The following CCDC141 variants were observed in gnomAD, a reference collection of about 807,000 sequenced individuals.
The protein encoded by CCDC141 is coiled-coil domain-containing protein 141.
A neutral mutation model predicts 181.0 loss-of-function variants in CCDC141; 168 were observed. The ratio of observed to expected loss-of-function variants is 0.93; its 90% CI spans 0.82 to 1.05. The LOEUF is 1.05. Ranked by LOEUF, CCDC141 falls within the 50% of genes least tolerant of loss-of-function variation. The pLI is 0.00. For missense variants in CCDC141, 1,902 were observed against 1,788.5 expected (o/e 1.06, Z -1.14); for synonymous variants, 666 against 642.3 (o/e 1.04, Z -0.56).
At chr2:178,879,677 A>G (rs1686506959) in intron 11 of CCDC141, among the ~76,000 whole-genome samples, 1 of 152,206 alleles carries the variant, frequency 6.6e-6, no homozygotes, top group African/African-American at 2.4e-5. Flanking sequence ...TACAGACAAT[A>G]TTATGGGCAC....
intron 8 of CCDC141, among the ~76,000 whole-genome samples, chr2:178,894,360 G>A (rs935380621): frequency 3.3e-4 from 50 of 152,190 alleles, no homozygotes; most frequent in African/African-American, 1.1e-3. Context: ...CACTCCAAAT[G>A]AGAGTGCAAT....
chr2:179,044,821 G>T (rs1000371730), intron 2 of CCDC141, among the ~76,000 whole-genome samples: 1 of 152,144 alleles, frequency 6.6e-6, no homozygotes, highest in African/African-American at 2.4e-5. Context: ...CATGGAATTG[G>T]GGATTCGTGA....
At chr2:178,985,061 T>G (rs1178705400) in intron 2 of CCDC141, among the ~76,000 whole-genome samples, 32 of 151,380 alleles carry the variant, frequency 2.1e-4, no homozygotes, top group Admixed American at 2.1e-3. Flanking sequence ...ACCACATACT[T>G]GGAAGTAAAG....
chr2:178,981,854 G>A (rs984199342), intron 2 of CCDC141, among the ~76,000 whole-genome samples: 21 of 150,438 alleles, frequency 1.4e-4, no homozygotes, highest in African/African-American at 5.1e-4. Context: ...AAGCAAAAAC[G>A]AGTTCTAAGA....
At chr2:178,853,669 T>C (rs1245502640) in intron 19 of CCDC141, 45 bp from the exon 20 acceptor site, 3 of 1,508,610 alleles carry the variant, frequency 2.0e-6, no homozygotes, top group Admixed American at 4.1e-5. Context: ...AATACCATCC[T>C]TCTAAAGTTC....
chr2:178,986,738 T>C (rs1412402355), intron 2 of CCDC141, among the ~76,000 whole-genome samples: 1 of 151,642 alleles, frequency 6.6e-6, no homozygotes, highest in Non-Finnish European at 1.5e-5. Flanking sequence ...GAGAATAAAA[T>C]ACCTAGGAAT....
chr2:178,867,023 AG>A (rs1014909574), intron 16 of CCDC141, among the ~76,000 whole-genome samples: 14 of 152,224 alleles, frequency 9.2e-5, no homozygotes. Flanking sequence ...ATTTTTTTAA[AG>A]AATCAATGTC....
intron 8 of CCDC141, among the ~76,000 whole-genome samples, chr2:178,892,865 TG>T (rs1407151792): frequency 6.6e-6 from 1 of 152,172 alleles, no homozygotes; most frequent in Non-Finnish European, 1.5e-5. Flanking sequence ...AAAAACGTGG[TG>T]GCCTGTCATT....
chr2:179,021,073 T>C (rs1044064484), intron 2 of CCDC141, among the ~76,000 whole-genome samples: 1 of 152,206 alleles, frequency 6.6e-6, no homozygotes, highest in African/African-American at 2.4e-5. Flanking sequence ...CCATCATTAA[T>C]AGTAACCAAA....
downstream of CCDC141, among the ~76,000 whole-genome samples, chr2:178,825,898 A>C (rs1684118794): frequency 6.6e-6 from 1 of 152,128 alleles, no homozygotes; most frequent in Non-Finnish European, 1.5e-5. Context: ...GGGATTTTCT[A>C]GGTAGAAAGT....
chr2:178,992,361 A>G (rs62179085), intron 2 of CCDC141, among the ~76,000 whole-genome samples: 1 of 127,664 alleles, frequency 7.8e-6, no homozygotes, highest in Non-Finnish European at 1.6e-5. Flanking sequence ...TTTTTTTTAA[A>G]TAGACCTATT....
intron 2 of CCDC141, among the ~76,000 whole-genome samples, chr2:178,981,710 A>C (rs1307776474): frequency 7.1e-5 from 10 of 141,478 alleles, no homozygotes; most frequent in Admixed American, 6.4e-4. Context: ...AGAAAAAAAA[A>C]CCTAAATCAG....
chr2:178,818,364 A>G, the CCDC141 span, among the ~76,000 whole-genome samples: 1 of 152,110 alleles, frequency 6.6e-6, no homozygotes, highest in Non-Finnish European at 1.5e-5. Context: ...GGTTTGCTGC[A>G]CCTATTAACC....
chr2:178,974,283 C>T (rs1691025013), intron 4 of CCDC141, among the ~76,000 whole-genome samples: 1 of 152,150 alleles, frequency 6.6e-6, no homozygotes, highest in Admixed American at 6.6e-5. Flanking sequence ...CAAATGAATT[C>T]AAGAAACCTT....
rs779767321 is a variant in CCDC141 at position 178,978,714 on chromosome 2, C to G, written c.226-39G>C. 11 of 1,410,996 alleles carry G rather than the reference C, an allele frequency of 7.8e-6. No homozygotes were observed. In the East Asian group the frequency reaches 1.7e-4, roughly 21 times the overall value. The allele number at this position is 1,410,996 out of a possible 1,614,324, so 87.4% of individuals were successfully genotyped here. On this transcript the variant is annotated intron_variant, in intron 2 of 23. Transcript: ENST00000443758. Reference sequence around the variant, plus strand: ...AAAAAGGCATAAGGCAGGGTGTTAACTTAATGTAAGAACACAGGATCACAT... The same window carrying G: ...AAAAAGGCATAAGGCAGGGTGTTAAGTTAATGTAAGAACACAGGATCACAT...
At chr2:178,848,556 G>C (rs764941342) in intron 21 of CCDC141, among the ~76,000 whole-genome samples, 3 of 152,184 alleles carry the variant, frequency 2.0e-5, no homozygotes, top group Non-Finnish European at 4.4e-5. Context: ...AGTGGGAGAG[G>C]CTGTGGAAAC....
intron 8 of CCDC141, among the ~76,000 whole-genome samples, chr2:178,903,607 G>C (rs1251324438): frequency 8.8e-6 from 1 of 114,090 alleles, no homozygotes; most frequent in African/African-American, 3.3e-5. Context: ...GGACTGTTGT[G>C]GGGTGGGGGG....
intron 22 of CCDC141, among the ~76,000 whole-genome samples, chr2:178,838,402 TC>T (rs1004099641): frequency 2.6e-5 from 4 of 152,158 alleles, no homozygotes; most frequent in Non-Finnish European, 5.9e-5. Flanking sequence ...AACCCCCTAA[TC>T]TTTTGTCTTC....
intron 17 of CCDC141, among the ~76,000 whole-genome samples, chr2:178,861,473 T>C (rs1364215475): frequency 6.6e-6 from 1 of 151,884 alleles, no homozygotes; most frequent in Admixed American, 6.6e-5. Context: ...CCATCCCCAC[T>C]AAAAATACGA....
Sources: gnomAD v4.1 joint callset for allele counts (sites outside exome capture counted in the v4.1 genomes callset) on GRCh38, gnomAD v4.1.1 for gene constraint, MANE v1.5 for transcripts, NCBI Gene and HGNC (gene_info 2026-07-23, HGNC 2026-07-21) for gene names.